The following LANCL3 variants were observed in gnomAD, a reference collection of about 807,000 sequenced individuals.
LANCL3 encodes LanC like family member 3, also known as lanC-like protein 3.
A neutral mutation model predicts 26.5 loss-of-function variants in LANCL3; 19 were observed. That is an observed-to-expected ratio of 0.72 (90% CI 0.50 to 1.05). The LOEUF (loss-of-function observed/expected upper bound fraction) is 1.05. Among genes scored for constraint, LANCL3 ranks in the 50% least tolerant of loss-of-function variants. LANCL3 has a pLI of 0.00. For missense variants in LANCL3, 318 were observed against 362.7 expected (o/e 0.88, Z 1.00); for synonymous variants, 160 against 166.6 (o/e 0.96, Z 0.30).
Position 37,571,883 on chromosome X carries a change from C to G in LANCL3, c.13C>G (p.Arg5Gly), listed in dbSNP as rs1556415481. Reference sequence around the variant, plus strand: ...CACGGGCAACAGCATGGACACCAAGCGCTGCTTCGCCAATCGCTTCGATGA... The same window carrying G: ...CACGGGCAACAGCATGGACACCAAGGGCTGCTTCGCCAATCGCTTCGATGA... MDTK[R>G]CFANRFDDYQ... Residue 5 changes from arginine (R) to glycine (G), a missense_variant, in exon 1 of 5, where the codon CGC becomes GGC. By Grantham distance (125) the Arg-to-Gly change is moderately radical. Coordinates refer to ENST00000378619, the MANE Select transcript of LANCL3 (RefSeq NM_001170331.2). The G allele has an allele frequency of 2.5e-6, 3 of 1,202,593 alleles. No homozygotes were observed. In the African/African-American group the frequency reaches 5.2e-5, roughly 21 times the overall value.
chrX:37,621,595 C>T (rs782321862), intron 1 of LANCL3, among the ~76,000 whole-genome samples: 8 of 112,545 alleles, frequency 7.1e-5, no homozygotes, highest in Non-Finnish European at 1.5e-4. Context: ...TTCCTCAGCT[C>T]ACTGCTATTT....
At chrX:37,609,601 C>T (rs1382406473) in intron 1 of LANCL3, among the ~76,000 whole-genome samples, 1 of 111,686 alleles carries the variant, frequency 9.0e-6, no homozygotes, top group African/African-American at 3.3e-5. Flanking sequence ...ACCTAAGACT[C>T]AATCTCTGCT....
chrX:37,661,908 T>C (rs1926430725), intron 3 of LANCL3, among the ~76,000 whole-genome samples: 1 of 112,255 alleles, frequency 8.9e-6, no homozygotes, highest in African/African-American at 3.2e-5. Flanking sequence ...TTATCATTTA[T>C]GCAGTGTAGA....
chrX:37,630,620 G>A (rs781911461), intron 1 of LANCL3, among the ~76,000 whole-genome samples: 43 of 109,682 alleles, frequency 3.9e-4, no homozygotes, highest in South Asian at 3.2e-3. Context: ...TTTGAGATAC[G>A]TCCCATCAAT....
At chrX:37,578,035 C>G (rs1200023294) in intron 1 of LANCL3, among the ~76,000 whole-genome samples, 1 of 112,209 alleles carries the variant, frequency 8.9e-6, no homozygotes, top group Non-Finnish European at 1.9e-5. Flanking sequence ...CAAATCCAAG[C>G]TCTTTCCAGG....
intron 1 of LANCL3, among the ~76,000 whole-genome samples, chrX:37,642,395 G>C (rs1925886828): frequency 9.0e-6 from 1 of 111,562 alleles, no homozygotes; most frequent in Non-Finnish European, 1.9e-5. Context: ...TTTGGATATA[G>C]GTGGTCCTGG....
chrX:37,671,104 A>G (rs1556435998), intron 4 of LANCL3, among the ~76,000 whole-genome samples: 1 of 111,594 alleles, frequency 9.0e-6, no homozygotes, highest in Non-Finnish European at 1.9e-5. Flanking sequence ...AAACATCATA[A>G]TAATATAGCT....
chrX:37,607,607 T>C (rs1556420682), intron 1 of LANCL3, among the ~76,000 whole-genome samples: 2 of 112,749 alleles, frequency 1.8e-5, no homozygotes, highest in African/African-American at 6.4e-5. Flanking sequence ...TATAAATCTT[T>C]CATAACATTT....
chrX:37,654,838 C>CT (rs1926244062), intron 1 of LANCL3, among the ~76,000 whole-genome samples: 1 of 111,770 alleles, frequency 8.9e-6, no homozygotes, highest in Non-Finnish European at 1.9e-5. Flanking sequence ...AAAGAGAGAG[C>CT]TCTAACACAA....
intron 1 of LANCL3, among the ~76,000 whole-genome samples, chrX:37,619,140 T>C (rs1556422016): frequency 9.0e-6 from 1 of 111,610 alleles, no homozygotes; most frequent in African/African-American, 3.3e-5. Flanking sequence ...ATTATATTAA[T>C]TCAAGATTGA....
In LANCL3 at chrX:37,683,467, GGTT is replaced by G. The variant is rs1926987130; in HGVS notation, c.*7658_*7660del. On this transcript the variant is annotated 3_prime_UTR_variant, in exon 5 of 5. Transcript: ENST00000378619. ...ATTATAAAAAAAAATAATAGTGATT[GGTT>G]GTTACTACTTTAAAATCCTACTAAT... 8.9e-6 allele frequency: 1 copy of G among 111,942 alleles called. No homozygotes were observed. The highest frequency in any genetic ancestry group is 3.2e-5 in the African/African-American group (1 of 30,875). The allele number at this position is 111,942 out of a possible 1,213,427, so 9.2% of individuals were successfully genotyped here. A position where few individuals can be genotyped will look rare whatever the true frequency, so the allele number is the denominator to read the frequency against.
intron 3 of LANCL3, among the ~76,000 whole-genome samples, chrX:37,660,228 C>G (rs1168561871): frequency 2.7e-5 from 3 of 111,603 alleles, no homozygotes; most frequent in African/African-American, 9.8e-5. Flanking sequence ...GTAGCATGAG[C>G]AACTGAGAGC....
intron 1 of LANCL3, among the ~76,000 whole-genome samples, chrX:37,638,108 C>T (rs1290115220): frequency 1.8e-5 from 2 of 111,395 alleles, no homozygotes; most frequent in Non-Finnish European, 3.8e-5. Flanking sequence ...CCTTCAGCCA[C>T]AGAAAAGTAG....
intron 1 of LANCL3, among the ~76,000 whole-genome samples, chrX:37,610,886 C>T (rs1924848035): frequency 8.9e-6 from 1 of 111,998 alleles, no homozygotes; most frequent in African/African-American, 3.3e-5. Flanking sequence ...CAAAGTACAT[C>T]CCGAGACAAG....
At chrX:37,631,791 G>T (rs1326064536) in intron 1 of LANCL3, among the ~76,000 whole-genome samples, 10 of 111,535 alleles carry the variant, frequency 9.0e-5, no homozygotes, top group Non-Finnish European at 1.5e-4. Context: ...CTGAGTTCCA[G>T]TTTGATTGCA....
chrX:37,625,606 C>T (rs1349424747), intron 1 of LANCL3, among the ~76,000 whole-genome samples: 1 of 111,549 alleles, frequency 9.0e-6, no homozygotes, highest in Non-Finnish European at 1.9e-5. Context: ...AGTCGAGACT[C>T]ACAATGTCAG....
At chrX:37,629,623 G>C (rs1315748278) in intron 1 of LANCL3, among the ~76,000 whole-genome samples, 6 of 106,463 alleles carry the variant, frequency 5.6e-5, no homozygotes. Flanking sequence ...ATTAATTTTT[G>C]TATAAGGTGT....
chrX:37,647,085 C>G (rs1245933382), intron 1 of LANCL3, among the ~76,000 whole-genome samples: 2 of 111,523 alleles, frequency 1.8e-5, no homozygotes, highest in Admixed American at 1.9e-4. Context: ...GAGGCCGAGG[C>G]GGGCAGATCA....
chrX:37,638,129 C>G (rs1284446139), intron 1 of LANCL3, among the ~76,000 whole-genome samples: 1 of 111,334 alleles, frequency 9.0e-6, no homozygotes, highest in East Asian at 2.8e-4. Flanking sequence ...AGAAAGAAGA[C>G]TTGTAGAAAG....
Sources: gnomAD v4.1 joint callset for allele counts (sites outside exome capture counted in the v4.1 genomes callset) on GRCh38, gnomAD v4.1.1 for gene constraint, MANE v1.5 for transcripts, NCBI Gene and HGNC (gene_info 2026-07-23, HGNC 2026-07-21) for gene names.